Variants in EIF3H observed in about 807,000 individuals in gnomAD.
EIF3H encodes eIF-3-gamma.
Under a neutral mutation model 44.2 loss-of-function variants are expected in EIF3H, and 26 were observed. The observed-to-expected ratio is 0.59, with a 90% CI of 0.43 to 0.82. The LOEUF (loss-of-function observed/expected upper bound fraction) is 0.82, where lower values mean the gene tolerates loss of function less well. Ranked by LOEUF, EIF3H falls within the 40% of genes least tolerant of loss-of-function variation. The probability of loss-of-function intolerance (pLI) is 0.00; values close to 1 mark genes in which losing one functional copy is unlikely to be tolerated. For synonymous variants in EIF3H, 166 were observed against 151.9 expected (o/e 1.09, Z -0.68); for missense variants, 359 against 432.8 (o/e 0.83, Z 1.51).
chr8:116,720,387 T>C (rs942611175), intron 2 of EIF3H, among the ~76,000 whole-genome samples: 4 of 152,210 alleles, frequency 2.6e-5, no homozygotes, highest in African/African-American at 7.2e-5. Flanking sequence ...CCTGCCACCA[T>C]CTAAGACATG....
intron 1 of EIF3H, among the ~76,000 whole-genome samples, chr8:116,731,109 C>A (rs1814943344): frequency 6.6e-6 from 1 of 152,194 alleles, no homozygotes. Flanking sequence ...CAAAAACACT[C>A]TCCTGTTATA....
At chr8:116,668,597 C>G (rs1228522968) in intron 2 of EIF3H, among the ~76,000 whole-genome samples, 1 of 152,100 alleles carries the variant, frequency 6.6e-6, no homozygotes, top group Non-Finnish European at 1.5e-5. Flanking sequence ...TACCAGACTA[C>G]TCTGAATCTG....
At chr8:116,683,415 G>A (rs1290841368) in intron 2 of EIF3H, among the ~76,000 whole-genome samples, 1 of 152,152 alleles carries the variant, frequency 6.6e-6, no homozygotes, top group Non-Finnish European at 1.5e-5. Context: ...AGAAGGAAGA[G>A]TCACGCTCTC....
intron 2 of EIF3H, among the ~76,000 whole-genome samples, chr8:116,700,881 T>C (rs1044947029): frequency 1.3e-5 from 2 of 152,178 alleles, no homozygotes; most frequent in African/African-American, 4.8e-5. Flanking sequence ...AATTATATGC[T>C]TTCCCAAGTC....
In EIF3H at chr8:116,752,787, G is replaced by GGAAGGAA. The variant is rs1563663256; in HGVS notation, c.132+2878_132+2879insTTCCTTC. Among the ~76,000 whole-genome samples, 115 of 27,374 alleles carry GGAAGGAA rather than the reference G, an allele frequency of 4.2e-3. 7 individuals carry two copies. The highest frequency in any genetic ancestry group is 0.04 in the Middle Eastern group (2 of 50). 18.0% of individuals were successfully genotyped at this position (27,374 alleles called of 152,430 possible). A position where few individuals can be genotyped will look rare whatever the true frequency, so the allele number is the denominator to read the frequency against. ...AGGGAGGGAGGGAGGGAGGGAGGGAGGGAGGGAGGGAAGGAAGGAAGGAAG... is the reference window on the plus strand; with the variant it reads ...AGGGAGGGAGGGAGGGAGGGAGGGAGGAAGGAAGGAGGGAGGGAAGGAAGGAAGGAAG... On this transcript the variant is annotated intron_variant, in intron 1 of 7. Coordinates refer to ENST00000521861, the MANE Select transcript of EIF3H (RefSeq NM_003756.3).
rs191805709 is a variant in EIF3H at position 116,689,847 on chromosome 8, T to A, written c.290-30867A>T. On this transcript the variant is annotated intron_variant, in intron 2 of 7. Coordinates refer to ENST00000521861, the MANE Select transcript of EIF3H (RefSeq NM_003756.3). Reference sequence around the variant, plus strand: ...CATTGAAAGGTCAGATTTCCTGAATTTTAGTTAACTAGTATGAGTAAAATG... The same window carrying A: ...CATTGAAAGGTCAGATTTCCTGAATATTAGTTAACTAGTATGAGTAAAATG... 3.1e-4 allele frequency among the ~76,000 whole-genome samples: 47 copies of A among 152,264 alleles called. 1 individual carries two copies. Among genetic ancestry groups the A allele is most frequent in the African/African-American group, 1.1e-3 (46 of 41,562 alleles).
At chr8:116,714,275 C>A (rs563962723) in intron 2 of EIF3H, among the ~76,000 whole-genome samples, 1 of 152,218 alleles carries the variant, frequency 6.6e-6, no homozygotes, top group South Asian at 2.1e-4. Context: ...CAACTGACAT[C>A]TATCTATAGA....
intron 2 of EIF3H, among the ~76,000 whole-genome samples, chr8:116,708,924 TA>T (rs1258371100): frequency 1.3e-5 from 2 of 151,976 alleles, no homozygotes; most frequent in African/African-American, 4.8e-5. Context: ...ACAGGTTTTC[TA>T]GTTCTAAGGT....
chr8:116,757,717 A>T (rs1815473245), upstream of EIF3H, among the ~76,000 whole-genome samples: 1 of 151,472 alleles, frequency 6.6e-6, no homozygotes, highest in Non-Finnish European at 1.5e-5. Context: ...ATTAATAGTT[A>T]TGTTAATTTT....
intron 2 of EIF3H, among the ~76,000 whole-genome samples, chr8:116,713,458 G>A (rs1178889842): frequency 2.0e-5 from 3 of 151,992 alleles, no homozygotes; most frequent in Non-Finnish European, 2.9e-5. Context: ...AAAAGAAAAA[G>A]AACTAAATTG....
intron 7 of EIF3H, among the ~76,000 whole-genome samples, chr8:116,645,542 A>G (rs1813282805): frequency 6.6e-6 from 1 of 152,240 alleles, no homozygotes. Flanking sequence ...GGGAACGTTA[A>G]GGAGTTTTCT....
At chr8:116,652,430 T>C (rs1003790923) in intron 5 of EIF3H, among the ~76,000 whole-genome samples, 1 of 152,164 alleles carries the variant, frequency 6.6e-6, no homozygotes, top group Non-Finnish European at 1.5e-5. Flanking sequence ...CAAAAGGAGA[T>C]GGATACTAAA....
At chr8:116,722,556 AC>A (rs1255315546) in intron 2 of EIF3H, among the ~76,000 whole-genome samples, 1 of 152,136 alleles carries the variant, frequency 6.6e-6, no homozygotes. Flanking sequence ...TTATACTCTT[AC>A]TACATATGTA....
At position 116,726,183 on chromosome 8, in the gene EIF3H, C is replaced by T; in HGVS notation, c.133-11G>A. The T allele has an allele frequency of 6.2e-7, 1 of 1,609,504 alleles. No individual in the cohort carries two copies. Among genetic ancestry groups the T allele is most frequent in the Non-Finnish European group, 8.5e-7 (1 of 1,177,474 alleles). On this transcript the variant is annotated splice_polypyrimidine_tract_variant and intron_variant, in intron 1 of 7. Coordinates refer to ENST00000521861, the MANE Select transcript of EIF3H (RefSeq NM_003756.3). ...TATCTTTAATACCACCTAAAACATA[C>T]ACACACAGAAGGGAGCTTAACAACC...
intron 7 of EIF3H, among the ~76,000 whole-genome samples, chr8:116,646,048 T>C (rs1433356009): frequency 6.6e-6 from 1 of 152,214 alleles, no homozygotes; most frequent in Non-Finnish European, 1.5e-5. Context: ...GGAAATACAT[T>C]TGTGCTGCCA....
At chr8:116,749,207 A>G (rs888313374) in intron 1 of EIF3H, among the ~76,000 whole-genome samples, 1 of 152,234 alleles carries the variant, frequency 6.6e-6, no homozygotes, top group African/African-American at 2.4e-5. Flanking sequence ...CAGCCTTCAA[A>G]AGGGTTATCA....
intron 2 of EIF3H, among the ~76,000 whole-genome samples, chr8:116,662,981 A>G (rs146885421): frequency 1.4e-3 from 206 of 152,350 alleles, no homozygotes; most frequent in African/African-American, 4.8e-3. Flanking sequence ...GGAGAGCACA[A>G]GAGACCCAGT....
chr8:116,747,488 T>A (rs1038215444), intron 1 of EIF3H, among the ~76,000 whole-genome samples: 6 of 152,222 alleles, frequency 3.9e-5, no homozygotes, highest in Non-Finnish European at 7.3e-5. Flanking sequence ...ATAGCTAAAA[T>A]GTGCAAGTTT....
At chr8:116,739,080 T>G (rs1309595564) in intron 1 of EIF3H, among the ~76,000 whole-genome samples, 1 of 152,170 alleles carries the variant, frequency 6.6e-6, no homozygotes, top group African/African-American at 2.4e-5. Flanking sequence ...TGGAAGGCAG[T>G]CAGTTTACTG....
Sources: gnomAD v4.1 joint callset for allele counts (sites outside exome capture counted in the v4.1 genomes callset) on GRCh38, gnomAD v4.1.1 for gene constraint, MANE v1.5 for transcripts, NCBI Gene and HGNC (gene_info 2026-07-23, HGNC 2026-07-21) for gene names.